Variants in EPB41L3 observed in about 807,000 individuals in gnomAD.
EPB41L3 encodes the protein erythrocyte membrane protein band 4.1 like 3.
In EPB41L3, 57 loss-of-function variants were observed where a neutral mutation model predicts 127.1. That is an observed-to-expected ratio of 0.45 (90% CI 0.36 to 0.56). The LOEUF (loss-of-function observed/expected upper bound fraction) is 0.56. Among genes scored for constraint, EPB41L3 ranks in the 20% least tolerant of loss-of-function variants. The probability of loss-of-function intolerance (pLI) is 0.00; values close to 1 mark genes in which losing one functional copy is unlikely to be tolerated. For synonymous variants in EPB41L3, 572 were observed against 549.5 expected (o/e 1.04, Z -0.57); for missense variants, 1,273 against 1,372.2 (o/e 0.93, Z 1.14).
chr18:5,455,763 T>C (rs2082954811), intron 3 of EPB41L3, among the ~76,000 whole-genome samples: 1 of 150,568 alleles, frequency 6.6e-6, no homozygotes, highest in Non-Finnish European at 1.5e-5. Context: ...AGCAGAAACA[T>C]TGGGCTTGAT....
At chr18:5,458,115 C>G in intron 3 of EPB41L3, among the ~76,000 whole-genome samples, 1 of 152,238 alleles carries the variant, frequency 6.6e-6, no homozygotes, top group South Asian at 2.1e-4. Flanking sequence ...AACAACTGCT[C>G]TAATCTTTGA....
chr18:5,576,627 A>G (rs767020520), intron 3 of EPB41L3, among the ~76,000 whole-genome samples: 16 of 152,322 alleles, frequency 1.1e-4, no homozygotes, highest in Middle Eastern at 3.4e-3. Context: ...AGGCAAACCC[A>G]CTAAGAGACC....
At chr18:5,578,147 C>T (rs1164851840) in intron 3 of EPB41L3, among the ~76,000 whole-genome samples, 2 of 152,154 alleles carry the variant, frequency 1.3e-5, no homozygotes, top group African/African-American at 4.8e-5. Flanking sequence ...GAGCAAAAAA[C>T]AACATTTTTT....
rs140783377 is a variant in EPB41L3 at position 5,569,622 on chromosome 18, A to C, written c.-306+42718T>G. 1.9e-3 allele frequency among the ~76,000 whole-genome samples: 291 copies of C among 152,296 alleles called. 2 individuals are homozygous for C. Among genetic ancestry groups the C allele is most frequent in the East Asian group, 0.014 (72 of 5,184 alleles). ...TGACATAGAGGCATGACTCTCTCTTACATGGAAAATATCTCTTTTTCTATG... is the reference window on the plus strand; with the variant it reads ...TGACATAGAGGCATGACTCTCTCTTCCATGGAAAATATCTCTTTTTCTATG... On this transcript the variant is annotated intron_variant, in intron 3 of 21. Coordinates refer to the EPB41L3 transcript ENST00000545076.
rs76818086 is a variant in EPB41L3, at chr18:5,615,554, G to A, written c.-467-1131C>T. ...ACAAAAATAACATCACCGTACATTC[G>A]AAAATAAAGAGTGTGATTGTTTTTA... On this transcript the variant is annotated intron_variant, in intron 1 of 21. Coordinates refer to the EPB41L3 transcript ENST00000545076. 1.3e-3 allele frequency among the ~76,000 whole-genome samples: 192 copies of A among 152,176 alleles called. 1 individual carries two copies. The East Asian group carries it at 0.022, about 17-fold the overall frequency.
intron 1 of EPB41L3, among the ~76,000 whole-genome samples, chr18:5,503,411 A>G (rs1275784974): frequency 6.6e-6 from 1 of 152,240 alleles, no homozygotes; most frequent in Non-Finnish European, 1.5e-5. Context: ...GCAGGTGTAC[A>G]GAATCTCCAC....
chr18:5,574,065 C>T (rs2094312181), intron 3 of EPB41L3, among the ~76,000 whole-genome samples: 1 of 152,008 alleles, frequency 6.6e-6, no homozygotes, highest in African/African-American at 2.4e-5. Context: ...CACGCACCAC[C>T]TTTTAATAAT....
chr18:5,561,192 T>C lies in EPB41L3; in HGVS notation c.-306+51148A>G, dbSNP rs1232379534. 2.6e-5 allele frequency among the ~76,000 whole-genome samples: 4 copies of C among 152,076 alleles called. 1 individual carries two copies. Among genetic ancestry groups the C allele is most frequent in the Admixed American group, 2.6e-4 (4 of 15,296 alleles). On this transcript the variant is annotated intron_variant, in intron 3 of 21. Transcript: ENST00000545076. ...CGGGGTTTCACCGTATTAGCCAGGA[T>C]GGTCAAGATCTCCTGACCTCGTGAT...
intron 3 of EPB41L3, among the ~76,000 whole-genome samples, chr18:5,579,617 G>T (rs1309685405): frequency 6.6e-6 from 1 of 152,152 alleles, no homozygotes; most frequent in Non-Finnish European, 1.5e-5. Flanking sequence ...CTGAACTAGA[G>T]ATCCAAAGCC....
At chr18:5,439,052 A>C (rs2080282737) in intron 5 of EPB41L3, among the ~76,000 whole-genome samples, 1 of 151,858 alleles carries the variant, frequency 6.6e-6, no homozygotes, top group Non-Finnish European at 1.5e-5. Flanking sequence ...CTTCAAATGC[A>C]GTAACTTACC....
chr18:5,512,197 A>C (rs1022984820), intron 1 of EPB41L3, among the ~76,000 whole-genome samples: 3 of 152,212 alleles, frequency 2.0e-5, no homozygotes, highest in Non-Finnish European at 4.4e-5. Context: ...CAAAAACCTT[A>C]TAATTTAGAG....
chr18:5,394,801 C>T lies in EPB41L3; in HGVS notation c.3154-8G>A, dbSNP rs1308820568. ...AATTGCCTGAGCCAGCGCCTATCCCCGGGAAATCACAGAAGGGCAGAAACA... is the reference window on the plus strand; with the variant it reads ...AATTGCCTGAGCCAGCGCCTATCCCTGGGAAATCACAGAAGGGCAGAAACA... On this transcript the variant is annotated splice_polypyrimidine_tract_variant and splice_region_variant and intron_variant, in intron 21 of 22. Transcript: ENST00000341928. 2.5e-6 allele frequency: 4 copies of T among 1,613,736 alleles called. No homozygotes were observed. The highest frequency in any genetic ancestry group is 1.1e-5 in the South Asian group (1 of 91,042).
At position 5,484,784 on chromosome 18, in the gene EPB41L3, T is replaced by G. The variant is rs200961571; in HGVS notation, c.183+4217A>C. 2.0e-4 allele frequency among the ~76,000 whole-genome samples: 30 copies of G among 151,598 alleles called. No homozygotes were observed. The East Asian group carries it at 4.8e-3, about 24-fold the overall frequency. On this transcript the variant is annotated intron_variant, in intron 2 of 22. Coordinates refer to ENST00000341928, the MANE Select transcript of EPB41L3 (RefSeq NM_012307.5). ...CACATACAACTCACCAAGAATGAACTATGAAGAAACAGAAAACCTCAACAA... is the reference window on the plus strand; with the variant it reads ...CACATACAACTCACCAAGAATGAACGATGAAGAAACAGAAAACCTCAACAA...
chr18:5,420,035 A>C, intron 11 of EPB41L3, 158 bp from the exon 12 acceptor site: 1 of 1,446,342 alleles, frequency 6.9e-7, no homozygotes, highest in Non-Finnish European at 9.1e-7. Flanking sequence ...ATACCAACAC[A>C]AAATACCAGG....
intron 16 of EPB41L3, 54 bp downstream of exon 16, chr18:5,406,723 A>G: frequency 6.7e-7 from 1 of 1,500,374 alleles, no homozygotes; most frequent in African/African-American, 1.4e-5. Flanking sequence ...CACCCTGTAG[A>G]GAAGGAAGGC....
chr18:5,573,662 A>T (rs1246808305), intron 3 of EPB41L3, among the ~76,000 whole-genome samples: 1 of 152,182 alleles, frequency 6.6e-6, no homozygotes, highest in Non-Finnish European at 1.5e-5. Flanking sequence ...TTCAGCAGAC[A>T]CCATTTCCTA....
chr18:5,519,619 A>G (rs2092904441), intron 1 of EPB41L3, among the ~76,000 whole-genome samples: 1 of 152,180 alleles, frequency 6.6e-6, no homozygotes, highest in South Asian at 2.1e-4. Flanking sequence ...CTGCAGAGCT[A>G]CATGTGGAGG....
intron 1 of EPB41L3, among the ~76,000 whole-genome samples, chr18:5,527,789 A>G (rs2093279776): frequency 6.6e-6 from 1 of 152,180 alleles, no homozygotes; most frequent in African/African-American, 2.4e-5. Context: ...CGGCAAGTCC[A>G]ATGCCTCTGA....
At chr18:5,480,145 G>A (rs1437302748) in intron 2 of EPB41L3, 1 of 152,048 alleles carries the variant, frequency 6.6e-6, no homozygotes, top group African/African-American at 2.4e-5. Context: ...ATATCTGTAT[G>A]AGAACAAGCT....
Sources: gnomAD v4.1 joint callset for allele counts (sites outside exome capture counted in the v4.1 genomes callset) on GRCh38, gnomAD v4.1.1 for gene constraint, MANE v1.5 for transcripts, NCBI Gene and HGNC (gene_info 2026-07-23, HGNC 2026-07-21) for gene names.